The following KCTD7 variants were observed in gnomAD, a reference collection of about 807,000 sequenced individuals.
KCTD7 encodes the protein potassium channel tetramerization domain containing 7, also known as BTB/POZ domain-containing protein KCTD7.
Under a neutral mutation model 27.0 loss-of-function variants are expected in KCTD7, and 15 were observed. The observed-to-expected ratio is 0.56, with a 90% CI of 0.37 to 0.86. The LOEUF is 0.86. Among genes scored for constraint, KCTD7 ranks in the 40% least tolerant of loss-of-function variants. The pLI is 0.00. For missense variants in KCTD7, 299 were observed against 398.9 expected, an observed-to-expected ratio of 0.75 and a Z score of 2.13; for synonymous variants, 159 against 162.7, an observed-to-expected ratio of 0.98 and a Z score of 0.17.
At position 66,639,878 on chromosome 7, in the gene KCTD7, T is replaced by C. The variant is rs534211806; in HGVS notation, c.*646T>C. The C allele has an allele frequency of 8.8e-6, 11 of 1,245,830 alleles. No homozygotes were observed. The highest frequency in any genetic ancestry group is 6.2e-5 in the East Asian group (2 of 32,336). The allele number at this position is 1,245,830 out of a possible 1,614,324, so 77.2% of individuals were successfully genotyped here. ...ATAGCTGCCAAAGCTATGCACCCAG[T>C]TGGCCTTAGAAAACCACAATGTTTA... On this transcript the variant is annotated 3_prime_UTR_variant, in exon 4 of 4. Transcript: ENST00000639828.
intron 2 of KCTD7, among the ~76,000 whole-genome samples, chr7:66,636,917 A>G (rs1786599463): frequency 6.6e-6 from 1 of 152,212 alleles, no homozygotes; most frequent in Non-Finnish European, 1.5e-5. Flanking sequence ...CTGCATAGCT[A>G]CAGAATAATA....
rs1786711447 is a variant in KCTD7, at chr7:66,641,355, T to G, written c.*2123T>G. The stretch of plus-strand genomic sequence containing the variant: ...AAAAGTCTGTGTGAACAGAGAGCAG[T>G]TCATTAAGCCCATTGCTTTCAGTAA... On this transcript the variant is annotated 3_prime_UTR_variant, in exon 4 of 4. Coordinates refer to ENST00000639828, the MANE Select transcript of KCTD7 (RefSeq NM_153033.5). 4 of 985,396 alleles carry G rather than the reference T, an allele frequency of 4.1e-6. No individual in the cohort carries two copies. The highest frequency in any genetic ancestry group is 4.8e-6 in the Non-Finnish European group (4 of 829,926). 61.0% of individuals were successfully genotyped at this position (985,396 alleles called of 1,614,324 possible).
chr7:66,631,911 G>A (rs1456087411), intron 1 of KCTD7, among the ~76,000 whole-genome samples: 16 of 152,202 alleles, frequency 1.1e-4, no homozygotes. Context: ...GGCAGCCCAT[G>A]ATTGGTGACC....
At chr7:66,632,500 A>G (rs914998313) in intron 1 of KCTD7, among the ~76,000 whole-genome samples, 1 of 150,068 alleles carries the variant, frequency 6.7e-6, no homozygotes, top group Non-Finnish European at 1.5e-5. Context: ...AAAAAAAAAA[A>G]AAAAAGAAAA....
rs546449878 is a variant in KCTD7, at chr7:66,632,270, G to A, written c.145-1005G>A. On this transcript the variant is annotated intron_variant, in intron 1 of 3. Transcript: ENST00000639828. The stretch of plus-strand genomic sequence containing the variant: ...GGGGAGGCCAAGGCGGGCGGATCAT[G>A]AGGTCAGGAGATCGAGACAATCCTG... Among the ~76,000 whole-genome samples, 3 of 152,068 alleles carry A rather than the reference G, an allele frequency of 2.0e-5. No individual in the cohort carries two copies. The East Asian group carries it at 5.8e-4, about 30-fold the overall frequency.
chr7:66,634,449 C>A (rs1014338853), intron 2 of KCTD7, among the ~76,000 whole-genome samples: 1 of 151,886 alleles, frequency 6.6e-6, no homozygotes, highest in Non-Finnish European at 1.5e-5. Flanking sequence ...TCATAGCTCA[C>A]TGCATCCTTA....
At chr7:66,633,936 C>G (rs1005967357) in intron 2 of KCTD7, among the ~76,000 whole-genome samples, 1 of 151,824 alleles carries the variant, frequency 6.6e-6, no homozygotes, top group African/African-American at 2.4e-5. Flanking sequence ...TGCAGTGACC[C>G]GAGATCACGC....
intron 2 of KCTD7, among the ~76,000 whole-genome samples, chr7:66,635,011 CTTTTT>C (rs68184930): frequency 3.7e-5 from 4 of 107,416 alleles, no homozygotes; most frequent in African/African-American, 3.8e-5. Flanking sequence ...GTGAGACTGT[CTTTTT>C]TTTTTTTTTT....
At position 66,641,216 on chromosome 7, in the gene KCTD7, A is replaced by G; in HGVS notation, c.*1984A>G. ...ATGTCCCTGCTTGGAGGTTAGCCCC[A>G]AAACATGGCTCTTGTATTGTTCTAA... On this transcript the variant is annotated 3_prime_UTR_variant, in exon 4 of 4. Transcript: ENST00000639828. The G allele has an allele frequency of 1.0e-6, 1 of 985,408 alleles. No homozygotes were observed. Among genetic ancestry groups the G allele is most frequent in the Non-Finnish European group, 1.2e-6 (1 of 829,936 alleles). The allele number at this position is 985,408 out of a possible 1,614,324, so 61.0% of individuals were successfully genotyped here.
intron 1 of KCTD7, 43 bp downstream of exon 1, chr7:66,629,251 CG>C (rs1031987829): frequency 3.7e-5 from 12 of 320,436 alleles, no homozygotes; most frequent in African/African-American, 2.2e-4. Context: ...GGGAGGGGCG[CG>C]GGGGAGAAGC....
intron 2 of KCTD7, among the ~76,000 whole-genome samples, chr7:66,634,651 T>C (rs1337998222): frequency 6.6e-6 from 1 of 152,154 alleles, no homozygotes; most frequent in South Asian, 2.1e-4. Context: ...ACCTGGATTT[T>C]GGGGCTCAGC....
intron 1 of KCTD7, 144 bp from the exon 2 acceptor site, chr7:66,633,131 A>C: frequency 1.3e-6 from 1 of 771,562 alleles, no homozygotes; most frequent in African/African-American, 1.7e-5. Flanking sequence ...GGGAGGAGAG[A>C]GAAGAAAGTG....
chr7:66,629,362 G>GCCACCTGCACCCCTA (rs1786392155), intron 1 of KCTD7, among the ~76,000 whole-genome samples, 154 bp downstream of exon 1: 1 of 33,650 alleles, frequency 3.0e-5, no homozygotes, highest in African/African-American at 1.1e-4. Context: ...CAACTCCCCC[G>GCCACCTGCACCCCTA]CCCACCTGCA....
In KCTD7 at chr7:66,639,723, G is replaced by C. The variant is rs193112230; in HGVS notation, c.*491G>C. ...AGCCACCCCATAGCCCCTGGCTGAA[G>C]AAGAAAGAGCATCTTCTCTCCCACT... On this transcript the variant is annotated 3_prime_UTR_variant, in exon 4 of 4. Coordinates refer to ENST00000639828, the MANE Select transcript of KCTD7 (RefSeq NM_153033.5). 3.5e-4 allele frequency: 431 copies of C among 1,248,322 alleles called. No homozygotes were observed. Among genetic ancestry groups the C allele is most frequent in the Admixed American group, 7.9e-4 (21 of 26,574 alleles). 77.3% of individuals were successfully genotyped at this position (1,248,322 alleles called of 1,614,324 possible).
At position 66,641,682 on chromosome 7, in the gene KCTD7, G is replaced by A. The variant is rs1017244646; in HGVS notation, c.*2450G>A. On this transcript the variant is annotated 3_prime_UTR_variant, in exon 4 of 4. Transcript: ENST00000639828. The stretch of plus-strand genomic sequence containing the variant: ...AGAACAGGCAGAGAGGTGACACTGG[G>A]CAGCAAGCTGAGAGCTCTTTCTAAA... 2 of 985,314 alleles carry A rather than the reference G, an allele frequency of 2.0e-6. No individual in the cohort carries two copies. Among genetic ancestry groups the A allele is most frequent in the African/African-American group, 3.5e-5 (2 of 57,242 alleles). The allele number at this position is 985,314 out of a possible 1,614,324, so 61.0% of individuals were successfully genotyped here. A position where few individuals can be genotyped will look rare whatever the true frequency, so the allele number is the denominator to read the frequency against.
At position 66,639,112 on chromosome 7, in the gene KCTD7, G is replaced by A. The variant is rs374256335; in HGVS notation, c.750G>A (p.Thr250=). 1.2e-5 allele frequency: 19 copies of A among 1,614,134 alleles called. No individual in the cohort carries two copies. The South Asian group carries it at 1.2e-4, about 10-fold the overall frequency. The part of the protein sequence containing the change: ...DVYDLLHCLV[T]DLSAQGLTVD... ...ATGACCTGCTGCACTGCCTGGTCACGGACCTCTCGGCCCAGGGTCTCACCG... is the reference window on the plus strand; with the variant it reads ...ATGACCTGCTGCACTGCCTGGTCACAGACCTCTCGGCCCAGGGTCTCACCG... Residue 250 remains threonine (T), a synonymous_variant, in exon 4 of 4, where the codon ACG becomes ACA. Coordinates refer to ENST00000639828, the MANE Select transcript of KCTD7 (RefSeq NM_153033.5).
chr7:66,637,114 C>T (rs1786604573), intron 2 of KCTD7, among the ~76,000 whole-genome samples: 1 of 152,222 alleles, frequency 6.6e-6, no homozygotes, highest in African/African-American at 2.4e-5. Flanking sequence ...GTGATGGAGT[C>T]TCACACTGTC....
intron 2 of KCTD7, among the ~76,000 whole-genome samples, chr7:66,636,826 T>G (rs995368900): frequency 5.9e-5 from 9 of 152,184 alleles, no homozygotes; most frequent in African/African-American, 2.2e-4. Flanking sequence ...TGAATTTTTA[T>G]TTTAAGAAAA....
chr7:66,632,899 T>TAC (rs1462927144), intron 1 of KCTD7, among the ~76,000 whole-genome samples: 7 of 150,956 alleles, frequency 4.6e-5, no homozygotes, highest in African/African-American at 9.7e-5. Flanking sequence ...TATATATATA[T>TAC]ACAAAAAATT....
Sources: allele counts gnomAD v4.1 joint callset (sites outside exome capture counted in the v4.1 genomes callset), GRCh38; gene constraint gnomAD v4.1.1; transcripts MANE v1.5; gene names NCBI Gene and HGNC (gene_info 2026-07-23, HGNC 2026-07-21).